PRDM5: variants seen among roughly 807,000 people sequenced by gnomAD.
PRDM5 encodes PR/SET domain 5.
Under a neutral mutation model 81.2 loss-of-function variants are expected in PRDM5, and 56 were observed. The observed-to-expected ratio is 0.69, with a 90% CI of 0.56 to 0.86. PRDM5 has a LOEUF of 0.86. Among genes scored for constraint, PRDM5 ranks in the 40% least tolerant of loss-of-function variants. PRDM5 has a pLI of 0.00. For synonymous variants in PRDM5, 267 were observed against 256.4 expected (o/e 1.04, Z -0.39); for missense variants, 697 against 770.1 (o/e 0.91, Z 1.12).
rs1427481560 is a variant in PRDM5 at position 120,789,478 on chromosome 4, C to T, written c.1189-4387G>A. Among the ~76,000 whole-genome samples, 7 of 152,076 alleles carry T rather than the reference C, an allele frequency of 4.6e-5. No homozygotes were observed. In the South Asian group the frequency reaches 8.3e-4, roughly 18 times the overall value. On this transcript the variant is annotated intron_variant, in intron 10 of 15. Coordinates refer to ENST00000264808, the MANE Select transcript of PRDM5 (RefSeq NM_018699.4). ...TGGTATTTCTTCTTTGGGGTATGTG[C>T]AAACCAATAAAACTACCTTAAAATT...
At position 120,901,419 on chromosome 4, in the gene PRDM5, A is replaced by C. The variant is rs574546177; in HGVS notation, c.177+6055T>G. 4.6e-5 allele frequency among the ~76,000 whole-genome samples: 7 copies of C among 152,350 alleles called. No individual in the cohort carries two copies. The South Asian group carries it at 1.4e-3, about 32-fold the overall frequency. On this transcript the variant is annotated intron_variant, in intron 2 of 15. Transcript: ENST00000264808. The stretch of plus-strand genomic sequence containing the variant: ...CACTAACCTCAGATGTAAAACATAG[A>C]GTTTTCTCATGAATGATCCAGGAGA...
chr4:120,746,208 G>A (rs1743001566), intron 14 of PRDM5, among the ~76,000 whole-genome samples: 1 of 95,696 alleles, frequency 1.0e-5, no homozygotes, highest in African/African-American at 4.3e-5. Context: ...AATAAATGGT[G>A]CTGGGAAAAC....
Position 120,693,528 on chromosome 4 carries a change from A to T in PRDM5, c.*1583T>A, listed in dbSNP as rs1180248569. 1 of 152,094 alleles carries T rather than the reference A, an allele frequency of 6.6e-6. No homozygotes were observed. The highest frequency in any genetic ancestry group is 1.5e-5 in the Non-Finnish European group (1 of 68,004). 9.4% of individuals were successfully genotyped at this position (152,094 alleles called of 1,614,324 possible). A position where few individuals can be genotyped will look rare whatever the true frequency, so the allele number is the denominator to read the frequency against. ...ATAACTATACTTAAATATCTTCTAA[A>T]CTATAATTTTAGGATTTATGTTTTT... On this transcript the variant is annotated 3_prime_UTR_variant, in exon 16 of 16. Transcript: ENST00000264808.
chr4:120,685,357 A>G (rs1376026482), intron 1 of PRDM5, among the ~76,000 whole-genome samples: 7 of 152,104 alleles, frequency 4.6e-5, no homozygotes, highest in African/African-American at 1.7e-4. Flanking sequence ...CTGATAAAAT[A>G]TCTTCTTTTG....
chr4:120,820,320 GAT>G (rs1755098058), intron 4 of PRDM5, among the ~76,000 whole-genome samples: 1 of 152,094 alleles, frequency 6.6e-6, no homozygotes, highest in Admixed American at 6.5e-5. Context: ...CTGGCACCTT[GAT>G]AGACTTCCTA....
chr4:120,845,420 T>C (rs956175688), intron 3 of PRDM5, among the ~76,000 whole-genome samples: 2 of 152,110 alleles, frequency 1.3e-5, no homozygotes, highest in Non-Finnish European at 2.9e-5. Flanking sequence ...ATTCAGAAAA[T>C]CCTAGGGCCC....
intron 3 of PRDM5, among the ~76,000 whole-genome samples, chr4:120,840,799 C>T (rs1757944731): frequency 6.6e-6 from 1 of 152,204 alleles, no homozygotes; most frequent in African/African-American, 2.4e-5. Flanking sequence ...GGCTATCTGC[C>T]TCCTCCCCAT....
intron 1 of PRDM5, among the ~76,000 whole-genome samples, chr4:120,912,241 C>T (rs141328860): frequency 6.6e-6 from 1 of 152,252 alleles, no homozygotes; most frequent in Admixed American, 6.5e-5. Flanking sequence ...GAAAAATTAC[C>T]TTAACCCAAT....
intron 14 of PRDM5, among the ~76,000 whole-genome samples, chr4:120,727,265 G>A (rs1016626788): frequency 2.6e-5 from 4 of 151,866 alleles, no homozygotes; most frequent in Non-Finnish European, 5.9e-5. Context: ...AGCTGAAAGA[G>A]CAACCTACAG....
At chr4:120,717,983 T>C (rs1051917735) in intron 14 of PRDM5, among the ~76,000 whole-genome samples, 1 of 152,160 alleles carries the variant, frequency 6.6e-6, no homozygotes, top group Non-Finnish European at 1.5e-5. Context: ...GGGAAACTTG[T>C]AGGCAATGAA....
chr4:120,756,586 A>C (rs1359750781), intron 13 of PRDM5, among the ~76,000 whole-genome samples: 8 of 152,240 alleles, frequency 5.3e-5, no homozygotes, highest in Non-Finnish European at 8.8e-5. Flanking sequence ...GCTATCATTT[A>C]CTGAGATCTT....
rs1743745078 is a variant in PRDM5 at position 120,750,062 on chromosome 4, A to G, written c.1623+4491T>C. Among the ~76,000 whole-genome samples the G allele has an allele frequency of 1.3e-4, 4 of 30,826 alleles. No individual in the cohort carries two copies. The South Asian group carries it at 7.9e-3, about 61-fold the overall frequency. 20.2% of individuals were successfully genotyped at this position (30,826 alleles called of 152,430 possible). A position where few individuals can be genotyped will look rare whatever the true frequency, so the allele number is the denominator to read the frequency against. On this transcript the variant is annotated intron_variant, in intron 14 of 15. Coordinates refer to ENST00000264808, the MANE Select transcript of PRDM5 (RefSeq NM_018699.4). ...CAGTAGTCACCAGACACATGTGCCTATAGAGCACCTGAAAGTGGCTAATAT... is the reference window on the plus strand; with the variant it reads ...CAGTAGTCACCAGACACATGTGCCTGTAGAGCACCTGAAAGTGGCTAATAT...
intron 3 of PRDM5, among the ~76,000 whole-genome samples, chr4:120,846,283 C>T (rs1268303196): frequency 6.6e-6 from 1 of 152,148 alleles, no homozygotes; most frequent in Non-Finnish European, 1.5e-5. Context: ...GCAAAGCATG[C>T]TACACAGAAA....
At chr4:120,814,172 G>C (rs967881310) in intron 7 of PRDM5, among the ~76,000 whole-genome samples, 1 of 152,106 alleles carries the variant, frequency 6.6e-6, no homozygotes, top group Non-Finnish European at 1.5e-5. Flanking sequence ...TAAGCAAAAG[G>C]GAAAGATGGG....
intron 2 of PRDM5, among the ~76,000 whole-genome samples, chr4:120,877,781 G>A (rs1762465824): frequency 2.6e-5 from 4 of 152,076 alleles, no homozygotes; most frequent in Non-Finnish European, 5.9e-5. Flanking sequence ...TTCCAGCCTG[G>A]GTGACAAAGC....
intron 10 of PRDM5, 70 bp from the exon 11 acceptor site, chr4:120,785,161 T>C: frequency 6.7e-6 from 8 of 1,186,250 alleles, no homozygotes; most frequent in Non-Finnish European, 8.8e-6. Flanking sequence ...GAGTGGAGCT[T>C]GGATTCATGA....
At chr4:120,728,034 A>T (rs1399736536) in intron 14 of PRDM5, among the ~76,000 whole-genome samples, 1 of 151,864 alleles carries the variant, frequency 6.6e-6, no homozygotes, top group African/African-American at 2.4e-5. Flanking sequence ...TCCTTAGATG[A>T]GTGGTTTATA....
chr4:120,688,943 A>T (rs1733936880), downstream of PRDM5, among the ~76,000 whole-genome samples: 1 of 152,102 alleles, frequency 6.6e-6, no homozygotes. Flanking sequence ...CTTTCTCAGG[A>T]TTGTTTTGGC....
intron 2 of PRDM5, among the ~76,000 whole-genome samples, chr4:120,856,712 T>C (rs1759921395): frequency 6.6e-6 from 1 of 152,216 alleles, no homozygotes; most frequent in African/African-American, 2.4e-5. Context: ...CATTTATCTA[T>C]TTTAATTTGA....
Sources: gnomAD v4.1 joint callset for allele counts (sites outside exome capture counted in the v4.1 genomes callset) on GRCh38, gnomAD v4.1.1 for gene constraint, MANE v1.5 for transcripts, NCBI Gene and HGNC (gene_info 2026-07-23, HGNC 2026-07-21) for gene names.